The following MAP4K5 variants were observed in gnomAD, a reference collection of about 807,000 sequenced individuals.
MAP4K5 encodes the protein MAPK/ERK kinase kinase kinase 5.
In MAP4K5, 82 loss-of-function variants were observed where a neutral mutation model predicts 135.6. That is an observed-to-expected ratio of 0.60 (90% CI 0.51 to 0.73). The LOEUF (loss-of-function observed/expected upper bound fraction) is 0.73, where lower values mean the gene tolerates loss of function less well. Among genes scored for constraint, MAP4K5 ranks in the 30% least tolerant of loss-of-function variants. The pLI, the probability that MAP4K5 is intolerant of heterozygous loss-of-function variation, is 0.00. For synonymous variants in MAP4K5, 347 were observed against 335.0 expected (o/e 1.04, Z -0.39); for missense variants, 907 against 1,010.9 (o/e 0.90, Z 1.39).
intron 3 of MAP4K5, among the ~76,000 whole-genome samples, chr14:50,493,741 C>T (rs933968839): frequency 1.1e-4 from 17 of 152,038 alleles, no homozygotes; most frequent in African/African-American, 9.7e-5. Flanking sequence ...CAGTGGGTCA[C>T]GCCTGTAATT....
chr14:50,494,749 G>C (rs1055565707), intron 3 of MAP4K5, among the ~76,000 whole-genome samples: 1 of 152,120 alleles, frequency 6.6e-6, no homozygotes, highest in Non-Finnish European at 1.5e-5. Flanking sequence ...CAATGGAATA[G>C]AACCGACAGC....
intron 2 of MAP4K5, among the ~76,000 whole-genome samples, chr14:50,514,206 T>C (rs1299076300): frequency 1.3e-5 from 2 of 151,618 alleles, no homozygotes; most frequent in African/African-American, 2.4e-5. Flanking sequence ...GCCTCCTGAG[T>C]AGCCGGGACT....
intron 1 of MAP4K5, among the ~76,000 whole-genome samples, chr14:50,557,188 T>G (rs571078294): frequency 6.6e-6 from 1 of 152,218 alleles, no homozygotes; most frequent in Non-Finnish European, 1.5e-5. Context: ...TAGTAAGCAT[T>G]TTAAAACTTA....
intron 1 of MAP4K5, among the ~76,000 whole-genome samples, chr14:50,553,398 G>A (rs909458110): frequency 5.3e-5 from 8 of 151,740 alleles, no homozygotes; most frequent in Admixed American, 3.3e-4. Flanking sequence ...AAACCACAAT[G>A]AGATACAACC....
chr14:50,518,656 G>T (rs1415140541), intron 2 of MAP4K5, among the ~76,000 whole-genome samples: 1 of 152,158 alleles, frequency 6.6e-6, no homozygotes, highest in African/African-American at 2.4e-5. Context: ...CCCTTAGAAT[G>T]ACCCAAAATC....
At chr14:50,497,409 A>G (rs1459990657) in intron 3 of MAP4K5, among the ~76,000 whole-genome samples, 1 of 152,248 alleles carries the variant, frequency 6.6e-6, no homozygotes, top group Non-Finnish European at 1.5e-5. Context: ...AAGACAGGAT[A>G]CAAATATTTT....
intron 13 of MAP4K5, 126 bp from the exon 14 acceptor site, chr14:50,456,720 C>A (rs768974307): frequency 6.3e-6 from 4 of 637,548 alleles, no homozygotes; most frequent in Non-Finnish European, 8.0e-6. Context: ...AAACATAAAA[C>A]AAATACAATG....
chr14:50,515,415 A>G (rs2038016205), intron 2 of MAP4K5, among the ~76,000 whole-genome samples: 1 of 151,776 alleles, frequency 6.6e-6, no homozygotes, highest in African/African-American at 2.4e-5. Flanking sequence ...CCATTCTCCC[A>G]CCTCATCAAT....
chr14:50,476,310 A>C lies in MAP4K5; in HGVS notation c.379-4T>G. On this transcript the variant is annotated splice_region_variant and splice_polypyrimidine_tract_variant and intron_variant, in intron 6 of 32. Coordinates refer to ENST00000682126, the MANE Select transcript of MAP4K5 (RefSeq NM_006575.6). Reference sequence around the variant, plus strand: ...TAGTATGCAAATAGGCAAGACCCTAAAAGTTTAAAAAAAAAAAAAAAGAAT... The same window carrying C: ...TAGTATGCAAATAGGCAAGACCCTACAAGTTTAAAAAAAAAAAAAAAGAAT... 1 of 1,398,194 alleles carries C rather than the reference A, an allele frequency of 7.2e-7. No individual in the cohort carries two copies. Among genetic ancestry groups the C allele is most frequent in the Non-Finnish European group, 9.4e-7 (1 of 1,060,384 alleles). The allele number at this position is 1,398,194 out of a possible 1,614,324, so 86.6% of individuals were successfully genotyped here.
chr14:50,421,532 G>A (rs969253023), intron 32 of MAP4K5, among the ~76,000 whole-genome samples: 13 of 151,806 alleles, frequency 8.6e-5, no homozygotes, highest in African/African-American at 3.1e-4. Flanking sequence ...GAAGTTCTGG[G>A]ATTACAGGCA....
At chr14:50,445,020 T>C in intron 18 of MAP4K5, 21 bp downstream of exon 18, 1 of 1,608,116 alleles carries the variant, frequency 6.2e-7, no homozygotes, top group Non-Finnish European at 8.5e-7. Context: ...ACCCCATGGC[T>C]GCTAATAATG....
In MAP4K5 at chr14:50,482,410, C is replaced by A; in HGVS notation, c.329G>T (p.Gly110Val). The A allele has an allele frequency of 1.3e-6, 2 of 1,523,456 alleles. No homozygotes were observed. Among genetic ancestry groups the A allele is most frequent in the Admixed American group, 2.3e-5 (1 of 43,884 alleles). The allele number at this position is 1,523,456 out of a possible 1,614,324, so 94.4% of individuals were successfully genotyped here. ...GGCTATTTGCAATTCTGATAATGGTCCAGTAACTAGAAAGAAAAAGAGACC... is the reference window on the plus strand; with the variant it reads ...GGCTATTTGCAATTCTGATAATGGTACAGTAACTAGAAAGAAAAAGAGACC... Reference protein sequence around the residue: ...GSLQDIYHVTGPLSELQIAYV... With the variant: ...GSLQDIYHVTVPLSELQIAYV... The change falls in exon 6 of 33, where the codon GGA becomes GTA. Residue 110 changes from glycine (G) to valine (V), a missense_variant. Physicochemically the swap from Gly to Val is moderately radical, Grantham distance 109. Around this residue, in one of 3 missense-constraint regions of MAP4K5, gnomAD observed 196 missense variants for 189.3 expected, o/e 1.04. Transcript: ENST00000682126.
chr14:50,548,291 G>A (rs1235535768), intron 1 of MAP4K5, among the ~76,000 whole-genome samples: 1 of 152,288 alleles, frequency 6.6e-6, no homozygotes, highest in South Asian at 2.1e-4. Context: ...TCAGCCCATT[G>A]TACACCCTAA....
chr14:50,423,293 C>A, intron 31 of MAP4K5, 117 bp from the exon 32 acceptor site: 1 of 506,316 alleles, frequency 2.0e-6, no homozygotes, highest in Non-Finnish European at 3.6e-6. Flanking sequence ...AGACTTAATT[C>A]CTCAAATAAA....
At chr14:50,525,043 G>C (rs1268548298) in intron 2 of MAP4K5, among the ~76,000 whole-genome samples, 1 of 151,952 alleles carries the variant, frequency 6.6e-6, no homozygotes, top group African/African-American at 2.4e-5. Context: ...CCCCTCTAAG[G>C]CTACAGCCTT....
At chr14:50,421,221 C>A (rs369344977) in intron 32 of MAP4K5, among the ~76,000 whole-genome samples, 1 of 151,912 alleles carries the variant, frequency 6.6e-6, no homozygotes, top group Non-Finnish European at 1.5e-5. Flanking sequence ...TTCCTAGACA[C>A]AAGTATCTAT....
chr14:50,520,800 G>C (rs986433830), intron 2 of MAP4K5, among the ~76,000 whole-genome samples: 4 of 151,170 alleles, frequency 2.6e-5, no homozygotes, highest in African/African-American at 7.3e-5. Context: ...GTATTGTAAG[G>C]TGGCTATCGG....
At chr14:50,455,139 A>G (rs1280776338) in intron 14 of MAP4K5, among the ~76,000 whole-genome samples, 1 of 152,008 alleles carries the variant, frequency 6.6e-6, no homozygotes, top group Non-Finnish European at 1.5e-5. Context: ...AAATAATGAA[A>G]CAAATGAGTA....
intron 9 of MAP4K5, among the ~76,000 whole-genome samples, chr14:50,474,769 A>G (rs2139869006): frequency 6.6e-6 from 1 of 152,362 alleles, no homozygotes; most frequent in Middle Eastern, 3.4e-3. Context: ...GTCCTAGATT[A>G]AAAGAGAATG....
Sources: allele counts gnomAD v4.1 joint callset (sites outside exome capture counted in the v4.1 genomes callset), GRCh38; gene constraint gnomAD v4.1.1; regional missense constraint gnomAD v4.1.1; transcripts MANE v1.5; gene names NCBI Gene and HGNC (gene_info 2026-07-23, HGNC 2026-07-21).